Variants in GAD2 observed in about 807,000 individuals in gnomAD.
GAD2 encodes glutamate decarboxylase 2.
GAD2 carries 22 observed loss-of-function variants against 80.1 expected under a neutral mutation model. The observed-to-expected ratio is 0.27, with a 90% CI of 0.20 to 0.39. The LOEUF (loss-of-function observed/expected upper bound fraction) is 0.39, where lower values mean the gene tolerates loss of function less well. Among genes scored for constraint, GAD2 ranks in the 10% least tolerant of loss-of-function variants. GAD2 has a pLI of 1.00. For missense variants in GAD2, 624 were observed against 738.4 expected (o/e 0.85, Z 1.80); for synonymous variants, 274 against 256.9 (o/e 1.07, Z -0.64).
intron 15 of GAD2, among the ~76,000 whole-genome samples, chr10:26,300,508 T>C (rs8190796): frequency 0.012 from 1,847 of 152,192 alleles, 49 homozygotes; most frequent in African/African-American, 0.042. Context: ...ACTAGATTCA[T>C]CCCATCCTCC....
At chr10:26,230,389 C>A (rs1329289553) in intron 7 of GAD2, among the ~76,000 whole-genome samples, 3 of 152,120 alleles carry the variant, frequency 2.0e-5, no homozygotes, top group Non-Finnish European at 4.4e-5. Flanking sequence ...GCCCACTGAT[C>A]TGATAGATAT....
At chr10:26,284,596 G>A (rs551349579) in intron 12 of GAD2, among the ~76,000 whole-genome samples, 6 of 144,888 alleles carry the variant, frequency 4.1e-5, no homozygotes, top group Non-Finnish European at 9.0e-5. Flanking sequence ...TTGAGACGGG[G>A]TCTCTTTCTC....
intron 4 of GAD2, among the ~76,000 whole-genome samples, chr10:26,222,912 GC>G (rs1844471212): frequency 6.6e-6 from 1 of 152,204 alleles, no homozygotes; most frequent in African/African-American, 2.4e-5. Context: ...TTTATCAGAT[GC>G]TATTTCCACA....
Position 26,217,657 on chromosome 10 carries a change from A to G in GAD2, c.124A>G (p.Asn42Asp), listed in dbSNP as rs375835846. 5 of 1,613,724 alleles carry G rather than the reference A, an allele frequency of 3.1e-6. No homozygotes were observed. The highest frequency in any genetic ancestry group is 4.2e-6 in the Non-Finnish European group (5 of 1,179,842). Reference sequence around the variant, plus strand: ...TCAGAAGTTCACGGGCGGCATCGGAAACAAACTGTGCGGTGAGTGCCCAGG... The same window carrying G: ...TCAGAAGTTCACGGGCGGCATCGGAGACAAACTGTGCGGTGAGTGCCCAGG... The part of the protein sequence containing the change: ...VAQKFTGGIG[N>D]KLCALLYGDA... The change falls in exon 2 of 16, where the codon AAC (asparagine) becomes GAC (aspartate). Residue 42 changes from asparagine (N) to aspartate (D), a missense_variant. Transcript: ENST00000376261. This position sits in a 1 kb window ranked among gnomAD's most constrained non-coding sequence, Gnocchi z 4.9.
chr10:26,261,766 C>T (rs1845011426), intron 8 of GAD2, among the ~76,000 whole-genome samples: 1 of 151,996 alleles, frequency 6.6e-6, no homozygotes, highest in Non-Finnish European at 1.5e-5. Flanking sequence ...CTTCTCTTCC[C>T]ACCCTCTTCT....
At chr10:26,281,945 CT>C (rs1035816657) in intron 12 of GAD2, among the ~76,000 whole-genome samples, 2 of 151,664 alleles carry the variant, frequency 1.3e-5, no homozygotes, top group African/African-American at 2.4e-5. Context: ...TCTTCATTTA[CT>C]TTTTTTTTCT....
intron 8 of GAD2, among the ~76,000 whole-genome samples, chr10:26,266,741 T>A (rs1470404450): frequency 6.6e-6 from 1 of 152,234 alleles, no homozygotes. Context: ...ACAGACTATA[T>A]GTTCATTACT....
chr10:26,284,147 G>A (rs11594057), intron 12 of GAD2, among the ~76,000 whole-genome samples: 23,256 of 152,138 alleles, frequency 0.15, 2,056 homozygotes, highest in East Asian at 0.31. Flanking sequence ...ATGATGCTCT[G>A]ACAGCATTTG....
At chr10:26,275,025 A>G (rs1845182435) in intron 11 of GAD2, among the ~76,000 whole-genome samples, 1 of 152,218 alleles carries the variant, frequency 6.6e-6, no homozygotes, top group Non-Finnish European at 1.5e-5. Context: ...AGCCAGTGCC[A>G]GGCCTCTGCT....
intron 6 of GAD2, among the ~76,000 whole-genome samples, chr10:26,227,732 A>C (rs141073575): frequency 4.9e-4 from 74 of 152,252 alleles, no homozygotes; most frequent in Middle Eastern, 3.4e-3. Flanking sequence ...ATGTTGCCCA[A>C]AATGTCAGGA....
rs572976717 is a variant in GAD2, at chr10:26,227,397, A to T, written c.725-2265A>T. On this transcript the variant is annotated intron_variant, in intron 6 of 15. Transcript: ENST00000376261. ...CCAGAAGCCTCTTTCTCTCACTCAG[A>T]GCTGCTGAGCCTTTAGCCAGAGGAC... is the stretch of plus-strand genomic sequence containing the variant. Among the ~76,000 whole-genome samples, 15 of 152,282 alleles carry T rather than the reference A, an allele frequency of 9.9e-5. No individual in the cohort carries two copies. In the South Asian group the frequency reaches 3.1e-3, roughly 32 times the overall value.
In GAD2 at chr10:26,218,549, T is replaced by TCACACACACACACA. The variant is rs1373210337; in HGVS notation, c.287-493_287-492insACACACACACACAC. 1.9e-4 allele frequency among the ~76,000 whole-genome samples: 11 copies of TCACACACACACACA among 57,382 alleles called. No homozygotes were observed. In the East Asian group the frequency reaches 8.2e-3, roughly 43 times the overall value. The allele number at this position is 57,382 out of a possible 152,430, so 37.6% of individuals were successfully genotyped here. A position where few individuals can be genotyped will look rare whatever the true frequency, so the allele number is the denominator to read the frequency against. On this transcript the variant is annotated intron_variant, in intron 3 of 15. Coordinates refer to ENST00000376261, the MANE Select transcript of GAD2 (RefSeq NM_001134366.2). Reference sequence around the variant, plus strand: ...CACATGCATACGCTCTCTCTCTCTCTCTCACACACACACACACACACACAC... The same window carrying TCACACACACACACA: ...CACATGCATACGCTCTCTCTCTCTCTCACACACACACACACTCACACACACACACACACACACAC...
chr10:26,282,788 C>A (rs1245561585), intron 12 of GAD2, among the ~76,000 whole-genome samples: 2 of 152,130 alleles, frequency 1.3e-5, no homozygotes, highest in African/African-American at 4.8e-5. Flanking sequence ...TTGTCAACTT[C>A]AAATTTACAC....
At chr10:26,275,922 A>G (rs7909127) in intron 11 of GAD2, among the ~76,000 whole-genome samples, 39,805 of 152,048 alleles carry the variant, frequency 0.26, 6,350 homozygotes, top group African/African-American at 0.44. Flanking sequence ...TGGGAGGCAG[A>G]GGTGGAAGGA....
rs765888609 is a variant in GAD2, at chr10:26,217,797, C to A, written c.137-45C>A. 9 of 1,581,016 alleles carry A rather than the reference C, an allele frequency of 5.7e-6. No homozygotes were observed. In the Admixed American group the frequency reaches 1.5e-4, roughly 26 times the overall value. On this transcript the variant is annotated intron_variant, in intron 2 of 15. Transcript: ENST00000376261. The surrounding 1 kb of genome is among the most constrained non-coding windows in gnomAD (Gnocchi z 4.9). ...GGTAGGCGGGAGCGAGGGAGCCGGGCCCGGCGGAGGATTGACGAGGCCCGC... is the reference window on the plus strand; with the variant it reads ...GGTAGGCGGGAGCGAGGGAGCCGGGACCGGCGGAGGATTGACGAGGCCCGC...
At chr10:26,274,387 A>G (rs576820180) in intron 11 of GAD2, among the ~76,000 whole-genome samples, 16 of 152,366 alleles carry the variant, frequency 1.1e-4, no homozygotes, top group African/African-American at 3.6e-4. Flanking sequence ...AAAAGAGAAC[A>G]ACAGAATGCA....
intron 8 of GAD2, among the ~76,000 whole-genome samples, chr10:26,259,166 T>C (rs1272131315): frequency 6.6e-6 from 1 of 152,220 alleles, no homozygotes; most frequent in Admixed American, 6.5e-5. Flanking sequence ...GAATATGGGC[T>C]GAAAAATTAC....
chr10:26,223,417 G>A (rs1844478204), intron 4 of GAD2, among the ~76,000 whole-genome samples: 1 of 152,052 alleles, frequency 6.6e-6, no homozygotes, highest in Non-Finnish European at 1.5e-5. Context: ...CATGCCTGGC[G>A]GATGTCATGG....
At chr10:26,235,209 T>C (rs1018187047) in intron 7 of GAD2, among the ~76,000 whole-genome samples, 1 of 152,196 alleles carries the variant, frequency 6.6e-6, no homozygotes. Context: ...CCTGATCTAC[T>C]GAACCAGGTC....
Sources: gnomAD v4.1 joint callset for allele counts (sites outside exome capture counted in the v4.1 genomes callset) on GRCh38, gnomAD v4.1.1 for gene constraint, Gnocchi (gnomAD v3.1) non-coding constraint, MANE v1.5 for transcripts, NCBI Gene and HGNC (gene_info 2026-07-23, HGNC 2026-07-21) for gene names.